Variants in SERPINA11 observed in about 807,000 individuals in gnomAD.
The protein encoded by SERPINA11 is serpin A11.
In SERPINA11, 28 loss-of-function variants were observed where a neutral mutation model predicts 29.4. That is an observed-to-expected ratio of 0.95 (90% CI 0.70 to 1.30). SERPINA11 has a LOEUF of 1.30. Among genes scored for constraint, SERPINA11 ranks in the 50% most tolerant of loss-of-function variants. The probability of loss-of-function intolerance (pLI) is 0.00; values close to 1 mark genes in which losing one functional copy is unlikely to be tolerated. For missense variants in SERPINA11, 530 were observed against 507.3 expected, an observed-to-expected ratio of 1.04 and a Z score of -0.43; for synonymous variants, 253 against 206.6, an observed-to-expected ratio of 1.22 and a Z score of -1.92.
At chr14:94,451,653 G>A (rs769354918) in intron 1 of SERPINA11, among the ~76,000 whole-genome samples, 3 of 152,190 alleles carry the variant, frequency 2.0e-5, no homozygotes, top group East Asian at 1.9e-4. Context: ...TTGGAATCAA[G>A]GCTGTGCAGT....
At chr14:94,443,278 T>C in intron 3 of SERPINA11, 53 bp from the exon 4 acceptor site, 3 of 1,556,670 alleles carry the variant, frequency 1.9e-6, no homozygotes, top group Non-Finnish European at 2.6e-6. Context: ...TATGTGCCAC[T>C]CCTGCTCTGT....
At chr14:94,445,648 A>G (rs1373277490) in intron 3 of SERPINA11, among the ~76,000 whole-genome samples, 2 of 152,188 alleles carry the variant, frequency 1.3e-5, no homozygotes, top group African/African-American at 4.8e-5. Flanking sequence ...AGCTCACTGT[A>G]ACCTCAAATT....
intron 2 of SERPINA11, among the ~76,000 whole-genome samples, chr14:94,446,986 A>G (rs1020087877): frequency 9.9e-5 from 15 of 152,224 alleles, no homozygotes; most frequent in Non-Finnish European, 2.9e-5. Context: ...TTATTTAAAC[A>G]TACTAATTTG....
chr14:94,448,164 A>G lies in SERPINA11; in HGVS notation c.611T>C (p.Phe204Ser). 6.2e-7 allele frequency: 1 copy of G among 1,614,202 alleles called. No homozygotes were observed. Among genetic ancestry groups the G allele is most frequent in the South Asian group, 1.1e-5 (1 of 91,084 alleles). Residue 204 changes from phenylalanine to serine, a missense_variant, in exon 2 of 5, where the codon TTC becomes TCC. By Grantham distance (155) the Phe-to-Ser change is radical. Transcript: ENST00000334708. ...DCLPEFSQDTFMVLANYIFFK... is the reference protein window; with the variant it reads ...DCLPEFSQDTSMVLANYIFFK... ...GAAGATGTAATTGGCAAGAACCATG[A>G]ACGTGTCCTGGCTGAACTCCGGGAG...
In SERPINA11 at chr14:94,444,667, G is replaced by A. The variant is rs144073182; in HGVS notation, c.918-1442C>T. 3.5e-4 allele frequency among the ~76,000 whole-genome samples: 53 copies of A among 152,276 alleles called. No homozygotes were observed. The East Asian group carries it at 5.8e-3, about 17-fold the overall frequency. ...AAATCCTGGCCTCTCCCCTTGGCCC[G>A]TGCCTCTTATTTGGTGTTTTAATCT... On this transcript the variant is annotated intron_variant, in intron 3 of 4. Transcript: ENST00000334708.
chr14:94,449,831 G>A (rs764511689), intron 1 of SERPINA11, among the ~76,000 whole-genome samples: 5 of 152,110 alleles, frequency 3.3e-5, no homozygotes, highest in Non-Finnish European at 7.3e-5. Context: ...AAATGTCCTG[G>A]CCACACTGCC....
At chr14:94,451,081 A>T (rs1016912113) in intron 1 of SERPINA11, among the ~76,000 whole-genome samples, 1 of 152,176 alleles carries the variant, frequency 6.6e-6, no homozygotes, top group African/African-American at 2.4e-5. Context: ...GTTTGTCCTG[A>T]TAACATTTGT....
intron 1 of SERPINA11, among the ~76,000 whole-genome samples, chr14:94,449,445 C>CTTT (rs140935559): frequency 9.1e-6 from 1 of 109,978 alleles, no homozygotes; most frequent in Non-Finnish European, 1.7e-5. Context: ...TTCTTTCTTT[C>CTTT]TTTCTTTCTT....
intron 3 of SERPINA11, among the ~76,000 whole-genome samples, chr14:94,444,291 C>A (rs929306980): frequency 3.9e-5 from 6 of 152,138 alleles, no homozygotes; most frequent in African/African-American, 1.4e-4. Flanking sequence ...TTCCCCTTGG[C>A]AAGCTAACCT....
In SERPINA11 at chr14:94,448,352, C is replaced by G. The variant is rs767907256; in HGVS notation, c.423G>C (p.Leu141=). Residue 141 remains leucine, a synonymous_variant, in exon 2 of 5, where the codon CTG becomes CTC. Transcript: ENST00000334708. ...GAGGCTTTAGTCGCTTGTCTAGGAA[C>G]AGGGAGTTTCCTACTTTTAGTTCGA... ...PKLELKVGNS[L]FLDKRLKPRQ... 1.3e-5 allele frequency: 21 copies of G among 1,614,082 alleles called. No individual in the cohort carries two copies. The South Asian group carries it at 1.9e-4, about 14-fold the overall frequency.
Position 94,448,209 on chromosome 14 carries a change from T to C in SERPINA11, c.566A>G (p.Tyr189Cys), listed in dbSNP as rs1285923136. 6.2e-7 allele frequency: 1 copy of C among 1,614,208 alleles called. No homozygotes were observed. Among genetic ancestry groups the C allele is most frequent in the South Asian group, 1.1e-5 (1 of 91,086 alleles). ...QINDYLRRQT[Y>C]GQVVDCLPEF... ...CGGGAGGCAGTCCACGACTTGCCCG[T>C]ATGTTTGCCTTCTCAAATAGTCATT... The change falls in exon 2 of 5, where the codon TAC (tyrosine) becomes TGC (cysteine). Residue 189 changes from tyrosine to cysteine, a missense_variant. By Grantham distance (194) the Tyr-to-Cys change is radical. Coordinates refer to ENST00000334708, the MANE Select transcript of SERPINA11 (RefSeq NM_001080451.2).
chr14:94,450,387 AC>A (rs1412935203), intron 1 of SERPINA11, among the ~76,000 whole-genome samples: 1 of 152,196 alleles, frequency 6.6e-6, no homozygotes, highest in Non-Finnish European at 1.5e-5. Context: ...AGCAATTTGG[AC>A]ACAGACAACA....
rs1412016905 is a variant in SERPINA11 at position 94,442,700 on chromosome 14, G to A, written c.1175C>T (p.Ala392Val). Residue 392 changes from alanine (A) to valine (V), a missense_variant, in exon 5 of 5, where the codon GCC (alanine) becomes GTC (valine). Physicochemically the swap from Ala to Val is moderately conservative, Grantham distance 64. Transcript: ENST00000334708. Reference protein sequence around the residue: ...PSLNTMSDPHAHFNRPFLLLL... With the variant: ...PSLNTMSDPHVHFNRPFLLLL... ...CAAGAGGAAAGGCCTGTTGAAGTGGGCATGTGGGTCTGACATGGTGTTCAG... is the reference window on the plus strand; with the variant it reads ...CAAGAGGAAAGGCCTGTTGAAGTGGACATGTGGGTCTGACATGGTGTTCAG... The A allele has an allele frequency of 1.2e-6, 2 of 1,613,556 alleles. No homozygotes were observed. Among genetic ancestry groups the A allele is most frequent in the South Asian group, 2.2e-5 (2 of 90,906 alleles).
At chr14:94,442,895 G>T in intron 4 of SERPINA11, 86 bp from the exon 5 acceptor site, 1 of 1,335,276 alleles carries the variant, frequency 7.5e-7, no homozygotes, top group Non-Finnish European at 1.0e-6. Context: ...AGAATAGAAG[G>T]GACCTAAGGA....
intron 2 of SERPINA11, among the ~76,000 whole-genome samples, chr14:94,447,498 C>T (rs766856350): frequency 3.3e-5 from 5 of 152,166 alleles, no homozygotes; most frequent in Non-Finnish European, 7.3e-5. Flanking sequence ...TTCTCCCTTC[C>T]AAACCACCTT....
chr14:94,447,540 C>T (rs1012753167), intron 2 of SERPINA11, among the ~76,000 whole-genome samples: 3 of 152,218 alleles, frequency 2.0e-5, no homozygotes, highest in Non-Finnish European at 1.5e-5. Flanking sequence ...CTTCCTAAAA[C>T]ATATGTAATC....
intron 1 of SERPINA11, among the ~76,000 whole-genome samples, chr14:94,449,983 T>C (rs934727852): frequency 2.6e-5 from 4 of 152,156 alleles, no homozygotes; most frequent in African/African-American, 9.7e-5. Flanking sequence ...GTTCATTAGC[T>C]GGAGTGGCGA....
Position 94,449,549 on chromosome 14 carries a change from CTCTT to C in SERPINA11, c.-3-776_-3-773del, listed in dbSNP as rs1263623725. 2.9e-3 allele frequency among the ~76,000 whole-genome samples: 379 copies of C among 132,664 alleles called. 18 individuals carry two copies. The highest frequency in any genetic ancestry group is 0.011 in the African/African-American group (341 of 31,144). The allele number at this position is 132,664 out of a possible 152,430, so 87.0% of individuals were successfully genotyped here. On this transcript the variant is annotated intron_variant, in intron 1 of 4. Coordinates refer to ENST00000334708, the MANE Select transcript of SERPINA11 (RefSeq NM_001080451.2). ...TCTTTTTCTTTCTTTCTTTCTCTTT[CTCTT>C]TCTTTCTTTCTTTCCTTCCTTCCTT... is the stretch of plus-strand genomic sequence containing the variant.
chr14:94,449,051 A>G (rs1248576650), intron 1 of SERPINA11, among the ~76,000 whole-genome samples: 1 of 152,212 alleles, frequency 6.6e-6, no homozygotes, highest in African/African-American at 2.4e-5. Flanking sequence ...AATAACAACA[A>G]CAACAATGGC....
Sources: gnomAD v4.1 joint callset for allele counts (sites outside exome capture counted in the v4.1 genomes callset) on GRCh38, gnomAD v4.1.1 for gene constraint, MANE v1.5 for transcripts, NCBI Gene and HGNC (gene_info 2026-07-23, HGNC 2026-07-21) for gene names.